The following GNAQ variants were observed in gnomAD, a reference collection of about 807,000 sequenced individuals.
The protein encoded by GNAQ is guanine nucleotide-binding protein G(q) subunit alpha.
Under a neutral mutation model 43.9 loss-of-function variants are expected in GNAQ, and 8 were observed. The ratio of observed to expected loss-of-function variants is 0.18; its 90% CI spans 0.11 to 0.33. The LOEUF (loss-of-function observed/expected upper bound fraction) is 0.33. Among genes scored for constraint, GNAQ ranks in the 10% least tolerant of loss-of-function variants. The pLI is 1.00. For synonymous variants in GNAQ, 155 were observed against 170.7 expected (o/e 0.91, Z 0.71); for missense variants, 158 against 450.8 (o/e 0.35, Z 5.88).
intron 2 of GNAQ, among the ~76,000 whole-genome samples, chr9:77,842,555 G>T (rs1428715519): frequency 1.3e-5 from 2 of 152,170 alleles, no homozygotes; most frequent in African/African-American, 4.8e-5. Flanking sequence ...TGTTTTGGAG[G>T]TGCTTTGTTG....
chr9:77,981,643 A>G (rs1260277113), intron 1 of GNAQ, among the ~76,000 whole-genome samples: 2 of 152,220 alleles, frequency 1.3e-5, no homozygotes, highest in Non-Finnish European at 2.9e-5. Flanking sequence ...TCTTTAAAAT[A>G]CTTATCCCTT....
At chr9:77,872,177 A>C (rs937552657) in intron 2 of GNAQ, among the ~76,000 whole-genome samples, 2 of 152,232 alleles carry the variant, frequency 1.3e-5, no homozygotes, top group African/African-American at 4.8e-5. Context: ...CAATGAGCTA[A>C]GTAATTGCAA....
intron 1 of GNAQ, among the ~76,000 whole-genome samples, chr9:78,027,562 C>G (rs1823997229): frequency 6.6e-6 from 1 of 152,044 alleles, no homozygotes; most frequent in Admixed American, 6.6e-5. Context: ...ACCAGCCTGA[C>G]TAACATGTTG....
chr9:77,841,531 A>G (rs1348600355), intron 2 of GNAQ, among the ~76,000 whole-genome samples: 1 of 152,184 alleles, frequency 6.6e-6, no homozygotes, highest in Non-Finnish European at 1.5e-5. Context: ...CAGGAATTAT[A>G]TTTTATTCTA....
At chr9:78,026,363 G>A (rs1435710814) in intron 1 of GNAQ, among the ~76,000 whole-genome samples, 1 of 152,172 alleles carries the variant, frequency 6.6e-6, no homozygotes, top group Admixed American at 6.5e-5. Context: ...TGATTTTTAT[G>A]AGGGATGTTC....
intron 1 of GNAQ, among the ~76,000 whole-genome samples, chr9:77,997,067 C>A (rs1823578446): frequency 6.6e-6 from 1 of 152,198 alleles, no homozygotes; most frequent in African/African-American, 2.4e-5. Context: ...GGCAGCTGAG[C>A]TTGGAAAGTT....
At chr9:77,945,626 C>T (rs530901516) in intron 1 of GNAQ, among the ~76,000 whole-genome samples, 4 of 152,192 alleles carry the variant, frequency 2.6e-5, no homozygotes, top group South Asian at 4.1e-4. Flanking sequence ...GAAAAAAACC[C>T]GGTTGCCCTA....
intron 5 of GNAQ, among the ~76,000 whole-genome samples, chr9:77,742,220 G>C (rs1322470135): frequency 6.6e-6 from 1 of 152,134 alleles, no homozygotes; most frequent in Non-Finnish European, 1.5e-5. Context: ...TGCTTGATCA[G>C]CTTTGCACTA....
chr9:77,895,352 C>T (rs1828482478), intron 2 of GNAQ, among the ~76,000 whole-genome samples: 3 of 152,132 alleles, frequency 2.0e-5, no homozygotes, highest in Admixed American at 2.0e-4. Context: ...ATCAAGCACA[C>T]AGAATGTAAC....
intron 2 of GNAQ, among the ~76,000 whole-genome samples, chr9:77,829,933 G>C (rs1397342659): frequency 1.3e-5 from 2 of 151,964 alleles, no homozygotes; most frequent in East Asian, 1.9e-4. Flanking sequence ...TGATTTAATT[G>C]GTCTGAGACA....
chr9:77,944,994 G>C (rs1217081186), intron 1 of GNAQ, among the ~76,000 whole-genome samples: 1 of 152,220 alleles, frequency 6.6e-6, no homozygotes, highest in Admixed American at 6.5e-5. Context: ...CAGCAAGGCG[G>C]CTGGGGAAGC....
chr9:77,798,474 T>C (rs1386898549), intron 3 of GNAQ, among the ~76,000 whole-genome samples: 1 of 152,150 alleles, frequency 6.6e-6, no homozygotes, highest in Non-Finnish European at 1.5e-5. Context: ...ACAAATACTA[T>C]TAACAAAACT....
At chr9:77,780,949 T>C (rs1826384714) in intron 5 of GNAQ, among the ~76,000 whole-genome samples, 1 of 94,324 alleles carries the variant, frequency 1.1e-5, no homozygotes, top group Non-Finnish European at 2.0e-5. Flanking sequence ...ATGTATTAAT[T>C]GGATTTTTTT....
intron 1 of GNAQ, among the ~76,000 whole-genome samples, chr9:77,981,917 A>G (rs956110986): frequency 2.0e-5 from 3 of 152,228 alleles, no homozygotes; most frequent in African/African-American, 7.2e-5. Flanking sequence ...GAGTGATTAC[A>G]AACTGTGGAA....
chr9:77,915,625 TA>T (rs1445056757), intron 2 of GNAQ, among the ~76,000 whole-genome samples: 4 of 100,674 alleles, frequency 4.0e-5, no homozygotes, highest in Non-Finnish European at 7.5e-5. Context: ...CTTAGAGAGT[TA>T]AAACAATTGA....
chr9:77,823,809 A>G (rs973112994), intron 2 of GNAQ, among the ~76,000 whole-genome samples: 3 of 152,192 alleles, frequency 2.0e-5, no homozygotes, highest in African/African-American at 7.2e-5. Context: ...CCTTCCCCCA[A>G]CAAGTGGGGA....
intron 5 of GNAQ, among the ~76,000 whole-genome samples, chr9:77,751,660 T>G (rs1825813332): frequency 6.6e-6 from 1 of 152,072 alleles, no homozygotes; most frequent in Admixed American, 6.5e-5. Flanking sequence ...ATACCAAAAA[T>G]TAGAATCTGT....
intron 1 of GNAQ, among the ~76,000 whole-genome samples, chr9:77,986,858 T>A (rs947971264): frequency 6.7e-6 from 1 of 150,298 alleles, no homozygotes; most frequent in African/African-American, 2.4e-5. Flanking sequence ...TAAGGGTTTT[T>A]AAATTATTTA....
In GNAQ at chr9:77,891,326, T is replaced by A. The variant is rs193261811; in HGVS notation, c.321+30835A>T. Among the ~76,000 whole-genome samples, 140 of 152,348 alleles carry A rather than the reference T, an allele frequency of 9.2e-4. 1 individual carries two copies. The highest frequency in any genetic ancestry group is 2.1e-4 in the South Asian group (1 of 4,828). On this transcript the variant is annotated intron_variant, in intron 2 of 6. Transcript: ENST00000286548. The stretch of plus-strand genomic sequence containing the variant: ...GCAGTTCTTATCTTTTCTCTGCACG[T>A]TTAAATAGTTTCTGTATATTTTTGT...
Sources: allele counts gnomAD v4.1 joint callset (sites outside exome capture counted in the v4.1 genomes callset), GRCh38; gene constraint gnomAD v4.1.1; transcripts MANE v1.5; gene names NCBI Gene and HGNC (gene_info 2026-07-23, HGNC 2026-07-21).